ADAM9: variants seen among roughly 807,000 people sequenced by gnomAD.
The protein encoded by ADAM9 is disintegrin and metalloproteinase domain-containing protein 9.
ADAM9 carries 54 observed loss-of-function variants against 108.1 expected under a neutral mutation model. That is an observed-to-expected ratio of 0.50 (90% CI 0.40 to 0.63). The LOEUF (loss-of-function observed/expected upper bound fraction) is 0.63. ADAM9 is among the 20% of genes least tolerant of loss of function. The probability of loss-of-function intolerance (pLI) is 0.00; values close to 1 mark genes in which losing one functional copy is unlikely to be tolerated. For synonymous variants in ADAM9, 316 were observed against 336.0 expected, an observed-to-expected ratio of 0.94 and a Z score of 0.65; for missense variants, 830 against 997.7, an observed-to-expected ratio of 0.83 and a Z score of 2.26.
At chr8:39,022,165 G>T (rs1327760752) in intron 8 of ADAM9, among the ~76,000 whole-genome samples, 2 of 151,800 alleles carry the variant, frequency 1.3e-5, no homozygotes, top group Non-Finnish European at 2.9e-5. Flanking sequence ...TCCGGTGGGA[G>T]ATATTAAAGA....
intron 15 of ADAM9, 143 bp downstream of exon 15, chr8:39,071,546 A>T: frequency 1.5e-6 from 1 of 683,498 alleles, no homozygotes; most frequent in Admixed American, 2.9e-5. Flanking sequence ...GGCTCGCTGC[A>T]CCCTCCGCCT....
At chr8:38,999,192 A>G (rs1045383313) in intron 1 of ADAM9, among the ~76,000 whole-genome samples, 1 of 152,196 alleles carries the variant, frequency 6.6e-6, no homozygotes, top group Admixed American at 6.5e-5. Context: ...CAGGATCGAA[A>G]GAGGAATTTG....
chr8:39,045,113 CATAT>C (rs1238761361), intron 12 of ADAM9, among the ~76,000 whole-genome samples: 1 of 14,694 alleles, frequency 6.8e-5, no homozygotes, highest in Non-Finnish European at 1.2e-4. Context: ...TGCATACATA[CATAT>C]GTGTGTGTGC....
intron 16 of ADAM9, 130 bp from the exon 17 acceptor site, chr8:39,082,511 G>A (rs1048270553): frequency 3.0e-6 from 2 of 659,300 alleles, no homozygotes; most frequent in African/African-American, 3.7e-5. Context: ...TATAATATGG[G>A]AATTAATGGT....
chr8:39,025,896 T>A lies in ADAM9; in HGVS notation c.996+12T>A. On this transcript the variant is annotated intron_variant, in intron 10 of 21. Transcript: ENST00000487273. Reference sequence around the variant, plus strand: ...GCGGGATTAATGTGGTACGTTGTTCTTGATGTTTAACTTTGGATGTTTGCA... The same window carrying A: ...GCGGGATTAATGTGGTACGTTGTTCATGATGTTTAACTTTGGATGTTTGCA... 1.2e-6 allele frequency: 2 copies of A among 1,613,134 alleles called. No individual in the cohort carries two copies. The highest frequency in any genetic ancestry group is 1.1e-5 in the South Asian group (1 of 91,068).
chr8:39,080,532 C>G (rs1433871202), intron 16 of ADAM9, among the ~76,000 whole-genome samples: 1 of 152,174 alleles, frequency 6.6e-6, no homozygotes, highest in African/African-American at 2.4e-5. Context: ...TTCTGTACAG[C>G]TGTAACTTTG....
intron 4 of ADAM9, chr8:39,014,848 C>G (rs1030498529): frequency 4.0e-5 from 13 of 328,928 alleles, no homozygotes; most frequent in Non-Finnish European, 6.0e-5. Context: ...TTAGTACTTA[C>G]AAAAACCAAG....
chr8:39,013,450 ATAAG>A (rs1400668413), intron 3 of ADAM9, among the ~76,000 whole-genome samples: 1 of 151,580 alleles, frequency 6.6e-6, no homozygotes, highest in East Asian at 1.9e-4. Flanking sequence ...TTATTTATGA[ATAAG>A]TAATGTACAC....
chr8:39,070,083 G>A (rs1345336855), intron 14 of ADAM9, among the ~76,000 whole-genome samples: 2 of 148,176 alleles, frequency 1.3e-5, no homozygotes, highest in Non-Finnish European at 3.0e-5. Flanking sequence ...AGCCTGTGAG[G>A]TAAAGGCTGC....
At position 39,007,962 on chromosome 8, in the gene ADAM9, C is replaced by A. The variant is rs1836217208; in HGVS notation, c.174C>A (p.Ala58=). The change falls in exon 2 of 22, where the codon GCC becomes GCA. Residue 58 remains alanine (A), a synonymous_variant. Transcript: ENST00000487273. ...GATTAACTAGAGAAAGAAGAGAAGC[C>A]CCTAGGCCCTATTCAAAACAAGTAA... ...PWRLTRERRE[A]PRPYSKQVSY... 3.7e-6 allele frequency: 6 copies of A among 1,605,484 alleles called. No individual in the cohort carries two copies. Among genetic ancestry groups the A allele is most frequent in the Non-Finnish European group, 5.1e-6 (6 of 1,173,428 alleles).
At chr8:39,009,293 G>C (rs550673657) in intron 2 of ADAM9, among the ~76,000 whole-genome samples, 6 of 152,356 alleles carry the variant, frequency 3.9e-5, no homozygotes, top group African/African-American at 1.4e-4. Context: ...GTTAATCCCT[G>C]TTTGGGTGCG....
chr8:39,061,412 C>T (rs910835581), intron 14 of ADAM9, among the ~76,000 whole-genome samples: 1 of 152,230 alleles, frequency 6.6e-6, no homozygotes, highest in Admixed American at 6.5e-5. Flanking sequence ...CATCTATCAC[C>T]TGACCTTCAT....
chr8:39,032,298 A>G (rs1038154614), intron 11 of ADAM9, among the ~76,000 whole-genome samples: 5 of 152,236 alleles, frequency 3.3e-5, no homozygotes, highest in Non-Finnish European at 7.3e-5. Flanking sequence ...CAGAGGCAGC[A>G]GGCCTTGCAG....
intron 2 of ADAM9, among the ~76,000 whole-genome samples, chr8:39,009,362 C>T (rs969269218): frequency 2.6e-5 from 4 of 152,186 alleles, no homozygotes; most frequent in South Asian, 2.1e-4. Context: ...GCCTCTGCCT[C>T]CTGAGTAGCT....
At chr8:39,081,552 G>A (rs549898511) in intron 16 of ADAM9, among the ~76,000 whole-genome samples, 2 of 152,310 alleles carry the variant, frequency 1.3e-5, no homozygotes, top group African/African-American at 4.8e-5. Context: ...GTAGTGCATG[G>A]CTAGAGGACA....
At chr8:39,011,511 T>G (rs1324152117) in intron 2 of ADAM9, 147 bp from the exon 3 acceptor site, 2 of 685,320 alleles carry the variant, frequency 2.9e-6, no homozygotes, top group Admixed American at 2.7e-5. Flanking sequence ...TATTTAAGAA[T>G]AGACACAAAG....
At chr8:39,062,107 C>G (rs1838318295) in intron 14 of ADAM9, among the ~76,000 whole-genome samples, 1 of 152,190 alleles carries the variant, frequency 6.6e-6, no homozygotes, top group Admixed American at 6.5e-5. Flanking sequence ...GGCCCATCTC[C>G]AAATACCATC....
In ADAM9 at chr8:39,090,196, G is replaced by C. The variant is rs768208256; in HGVS notation, c.2210+8G>C. ...GAGATCACAAACATATGAGTACTTAGATTTTTTTCTTTTAATTCCTATATT... is the reference window on the plus strand; with the variant it reads ...GAGATCACAAACATATGAGTACTTACATTTTTTTCTTTTAATTCCTATATT... On this transcript the variant is annotated splice_region_variant and intron_variant, in intron 19 of 21. Coordinates refer to ENST00000487273, the MANE Select transcript of ADAM9 (RefSeq NM_003816.3). 6.2e-7 allele frequency: 1 copy of C among 1,609,624 alleles called. No individual in the cohort carries two copies. Among genetic ancestry groups the C allele is most frequent in the Non-Finnish European group, 8.5e-7 (1 of 1,177,422 alleles).
chr8:39,016,061 G>C, intron 4 of ADAM9, 57 bp from the exon 5 acceptor site: 5 of 1,505,534 alleles, frequency 3.3e-6, no homozygotes, highest in Non-Finnish European at 2.8e-6. Context: ...TGCAATTTCT[G>C]TGATGATTTT....
Sources: gnomAD v4.1 joint callset for allele counts (sites outside exome capture counted in the v4.1 genomes callset) on GRCh38, gnomAD v4.1.1 for gene constraint, MANE v1.5 for transcripts, NCBI Gene and HGNC (gene_info 2026-07-23, HGNC 2026-07-21) for gene names.